The following PDE8A variants were observed in gnomAD, a reference collection of about 807,000 sequenced individuals.
PDE8A encodes the protein phosphodiesterase 8A.
In PDE8A, 59 loss-of-function variants were observed where a neutral mutation model predicts 105.0. The observed-to-expected ratio is 0.56, with a 90% CI of 0.46 to 0.70. PDE8A has a LOEUF of 0.70. Among genes scored for constraint, PDE8A ranks in the 30% least tolerant of loss-of-function variants. PDE8A has a pLI of 0.00. For missense variants in PDE8A, 1,014 were observed against 1,045.9 expected (o/e 0.97, Z 0.42); for synonymous variants, 355 against 371.9 (o/e 0.95, Z 0.52).
rs72757038 is a variant in PDE8A, at chr15:85,035,117, T to C, written c.187-29253T>C. ...AGTCGGACCTTATATTCCACTAATA[T>C]GTTTCTCTGAGCAACTCAAAACCTG... On this transcript the variant is annotated intron_variant, in intron 1 of 21. Coordinates refer to ENST00000394553, the MANE Select transcript of PDE8A (RefSeq NM_002605.3). Among the ~76,000 whole-genome samples, 1,325 of 151,894 alleles carry C rather than the reference T, an allele frequency of 8.7e-3. 10 individuals carry two copies. The highest frequency in any genetic ancestry group is 0.015 in the Non-Finnish European group (1,010 of 67,954).
At chr15:85,108,978 A>T (rs534161178) in intron 11 of PDE8A, 75 bp from the exon 12 acceptor site, 20 of 1,058,534 alleles carry the variant, frequency 1.9e-5, no homozygotes, top group African/African-American at 1.4e-4. Context: ...TTTTAAAAAA[A>T]TTTTAGATTG....
At chr15:85,071,308 C>T (rs2081307329) in intron 3 of PDE8A, among the ~76,000 whole-genome samples, 1 of 152,174 alleles carries the variant, frequency 6.6e-6, no homozygotes, top group Non-Finnish European at 1.5e-5. Flanking sequence ...ATGACTGAGC[C>T]CCAGCAGAGC....
chr15:84,994,677 G>A (rs1359044397), intron 1 of PDE8A, among the ~76,000 whole-genome samples: 1 of 152,092 alleles, frequency 6.6e-6, no homozygotes, highest in Non-Finnish European at 1.5e-5. Context: ...TAAAGTAATT[G>A]CAAGTGAGGA....
intron 1 of PDE8A, among the ~76,000 whole-genome samples, chr15:85,040,934 T>G (rs1276771044): frequency 2.0e-5 from 3 of 152,296 alleles, no homozygotes; most frequent in South Asian, 4.1e-4. Flanking sequence ...TAATTTGGCA[T>G]GTTTTTAAGA....
chr15:84,989,431 T>A (rs916477844), intron 1 of PDE8A, among the ~76,000 whole-genome samples: 1 of 152,232 alleles, frequency 6.6e-6, no homozygotes, highest in Admixed American at 6.5e-5. Flanking sequence ...CACTTCCTCT[T>A]ACTCTGCTTA....
At chr15:85,112,954 T>G (rs1596531136) in intron 12 of PDE8A, among the ~76,000 whole-genome samples, 1 of 152,160 alleles carries the variant, frequency 6.6e-6, no homozygotes, top group East Asian at 1.9e-4. Flanking sequence ...GTATTTCAGT[T>G]ATTGGTGAGT....
intron 1 of PDE8A, among the ~76,000 whole-genome samples, chr15:84,992,766 G>T (rs1054736687): frequency 1.1e-4 from 16 of 152,176 alleles, no homozygotes; most frequent in African/African-American, 3.9e-4. Flanking sequence ...AGAGGTTGGG[G>T]TTTACCAGCT....
At chr15:85,102,543 A>G (rs1409119237) in intron 11 of PDE8A, among the ~76,000 whole-genome samples, 2 of 150,738 alleles carry the variant, frequency 1.3e-5, no homozygotes, top group African/African-American at 2.4e-5. Context: ...TTTAACTCTT[A>G]AGAAGAGTAC....
At chr15:85,080,083 C>T (rs927491840) in intron 5 of PDE8A, among the ~76,000 whole-genome samples, 11 of 152,146 alleles carry the variant, frequency 7.2e-5, no homozygotes, top group African/African-American at 2.6e-4. Flanking sequence ...CAAGTAAATG[C>T]AGACAAAAAG....
chr15:85,100,719 A>C (rs1260205507), intron 11 of PDE8A, among the ~76,000 whole-genome samples: 1 of 152,146 alleles, frequency 6.6e-6, no homozygotes, highest in African/African-American at 2.4e-5. Flanking sequence ...ACGTGTCATG[A>C]CTTCAGCAAG....
At chr15:85,135,651 C>G (rs1400738982) in intron 20 of PDE8A, among the ~76,000 whole-genome samples, 1 of 152,210 alleles carries the variant, frequency 6.6e-6, no homozygotes, top group Non-Finnish European at 1.5e-5. Flanking sequence ...AAAGAATGCA[C>G]TCAGGACTTC....
At chr15:85,067,273 A>G in intron 3 of PDE8A, 69 bp downstream of exon 3, 2 of 1,105,286 alleles carry the variant, frequency 1.8e-6, no homozygotes, top group Non-Finnish European at 2.6e-6. Context: ...CTAGAAATAG[A>G]TTAAATTAGA....
Position 85,116,096 on chromosome 15 carries a change from A to G in PDE8A, c.1512A>G (p.Glu504=). 1 of 1,614,066 alleles carries G rather than the reference A, an allele frequency of 6.2e-7. No individual in the cohort carries two copies. The change falls in exon 16 of 22, where the codon GAA becomes GAG. Residue 504 remains glutamate (E), a synonymous_variant. Coordinates refer to ENST00000394553, the MANE Select transcript of PDE8A (RefSeq NM_002605.3). Reference sequence around the variant, plus strand: ...AATACTGGGACTTTGATATTTTTGAACTGGAGGCTGCCACCCACAATAGGT... The same window carrying G: ...AATACTGGGACTTTGATATTTTTGAGCTGGAGGCTGCCACCCACAATAGGT... ...NEEYWDFDIF[E]LEAATHNRPL...
intron 9 of PDE8A, among the ~76,000 whole-genome samples, chr15:85,099,378 G>A (rs1282774186): frequency 3.3e-5 from 5 of 152,246 alleles, no homozygotes; most frequent in Non-Finnish European, 5.9e-5. Context: ...GTTGGTGATC[G>A]CCTCAGGGAG....
chr15:85,108,170 GGCAAAGAA>G (rs1156543950), intron 11 of PDE8A, among the ~76,000 whole-genome samples: 7 of 152,110 alleles, frequency 4.6e-5, no homozygotes, highest in African/African-American at 1.7e-4. Flanking sequence ...AGTTTAATTG[GGCAAAGAA>G]GCAAAGAGCA....
In PDE8A at chr15:85,087,718, G is replaced by C. The variant is rs542914190; in HGVS notation, c.636-1620G>C. On this transcript the variant is annotated intron_variant, in intron 6 of 21. Coordinates refer to ENST00000394553, the MANE Select transcript of PDE8A (RefSeq NM_002605.3). ...TTAGAATATTATATAGTTATTTAAA[G>C]TGATGATAAAGAATGAAAATTATTG... is the stretch of plus-strand genomic sequence containing the variant. 3.3e-5 allele frequency among the ~76,000 whole-genome samples: 5 copies of C among 152,248 alleles called. No homozygotes were observed. In the East Asian group the frequency reaches 9.6e-4, roughly 29 times the overall value.
intron 1 of PDE8A, among the ~76,000 whole-genome samples, chr15:84,988,612 C>A (rs1178843382): frequency 6.6e-6 from 1 of 152,234 alleles, no homozygotes; most frequent in Non-Finnish European, 1.5e-5. Flanking sequence ...TCCCCAGGAG[C>A]TGGTTCTTTC....
chr15:85,086,375 A>G (rs147972848), intron 6 of PDE8A, among the ~76,000 whole-genome samples: 46 of 152,342 alleles, frequency 3.0e-4, no homozygotes, highest in African/African-American at 1.0e-3. Flanking sequence ...ACCTTAAATA[A>G]TGTTCAAAAT....
intron 11 of PDE8A, among the ~76,000 whole-genome samples, chr15:85,108,551 G>T (rs186632514): frequency 1.4e-4 from 21 of 152,266 alleles, no homozygotes; most frequent in Non-Finnish European, 2.5e-4. Context: ...TAGAGAAGAG[G>T]GGGTGAAAGG....
Sources: allele counts gnomAD v4.1 joint callset (sites outside exome capture counted in the v4.1 genomes callset), GRCh38; gene constraint gnomAD v4.1.1; transcripts MANE v1.5; gene names NCBI Gene and HGNC (gene_info 2026-07-23, HGNC 2026-07-21).